Variants in CDH12 observed in about 807,000 individuals in gnomAD.
CDH12 encodes the protein cadherin-12.
CDH12 carries 41 observed loss-of-function variants against 74.1 expected under a neutral mutation model. The observed-to-expected ratio is 0.55, with a 90% CI of 0.43 to 0.72. CDH12 has a LOEUF of 0.72. CDH12 is among the 30% of genes least tolerant of loss of function. The pLI, the probability that CDH12 is intolerant of heterozygous loss-of-function variation, is 0.00. For missense variants in CDH12, 945 were observed against 977.2 expected (o/e 0.97, Z 0.44); for synonymous variants, 399 against 355.0 (o/e 1.12, Z -1.39).
At chr5:22,464,030 A>G (rs1745628530) in intron 2 of CDH12, among the ~76,000 whole-genome samples, 1 of 152,178 alleles carries the variant, frequency 6.6e-6, no homozygotes, top group Non-Finnish European at 1.5e-5. Flanking sequence ...GTGTCTTGGG[A>G]GGAACCCCAT....
chr5:21,872,329 A>G (rs1751667395), intron 6 of CDH12, among the ~76,000 whole-genome samples: 1 of 152,168 alleles, frequency 6.6e-6, no homozygotes, highest in African/African-American at 2.4e-5. Flanking sequence ...ATTCAAACCT[A>G]CTTTGATGGA....
intron 3 of CDH12, among the ~76,000 whole-genome samples, chr5:22,347,716 G>T (rs542695624): frequency 3.9e-4 from 59 of 152,240 alleles, no homozygotes; most frequent in African/African-American, 1.3e-3. Context: ...GGCATATGAT[G>T]ATTATTATTA....
chr5:22,438,319 A>G (rs909303941), intron 2 of CDH12, among the ~76,000 whole-genome samples: 2 of 152,004 alleles, frequency 1.3e-5, no homozygotes, highest in African/African-American at 4.8e-5. Flanking sequence ...TCCAATTCTG[A>G]CTTAATCATT....
intron 8 of CDH12, among the ~76,000 whole-genome samples, chr5:21,827,966 G>C (rs1748773256): frequency 6.6e-6 from 1 of 151,828 alleles, no homozygotes. Context: ...TCTTTATCTA[G>C]GTAATTTCTG....
At chr5:22,022,184 G>T (rs115921925) in intron 5 of CDH12, among the ~76,000 whole-genome samples, 114 of 152,212 alleles carry the variant, frequency 7.5e-4, no homozygotes, top group African/African-American at 2.7e-3. Flanking sequence ...ATATGGTATG[G>T]CTCTGTCTTT....
intron 1 of CDH12, among the ~76,000 whole-genome samples, chr5:22,506,121 C>G (rs1028059186): frequency 6.6e-6 from 1 of 152,060 alleles, no homozygotes; most frequent in African/African-American, 2.4e-5. Flanking sequence ...CTGTTTGCCA[C>G]CGTTTCGTAC....
rs867433835 is a variant in CDH12, at chr5:21,833,062, A to G, written c.814+9099T>C. ...ATATATAATATATATTATATGTTAT[A>G]TAACATATAATATATATTATATTAT... On this transcript the variant is annotated intron_variant, in intron 8 of 14. Coordinates refer to ENST00000382254, the MANE Select transcript of CDH12 (RefSeq NM_004061.5). Among the ~76,000 whole-genome samples, 328 of 55,194 alleles carry G rather than the reference A, an allele frequency of 5.9e-3. 3 individuals are homozygous for G. The highest frequency in any genetic ancestry group is 0.043 in the Middle Eastern group (2 of 46). The allele number at this position is 55,194 out of a possible 152,430, so 36.2% of individuals were successfully genotyped here.
At chr5:22,660,523 C>T (rs1011080163) in intron 1 of CDH12, among the ~76,000 whole-genome samples, 4 of 152,188 alleles carry the variant, frequency 2.6e-5, no homozygotes, top group African/African-American at 9.7e-5. Context: ...GGGATCCTCT[C>T]GTCTCAGCCC....
At chr5:21,759,104 A>G (rs1744567372) in intron 13 of CDH12, among the ~76,000 whole-genome samples, 1 of 152,156 alleles carries the variant, frequency 6.6e-6, no homozygotes, top group Admixed American at 6.6e-5. Context: ...GCTAGGATTC[A>G]GTGCTGCACC....
chr5:22,325,525 C>A (rs966304024), intron 3 of CDH12, among the ~76,000 whole-genome samples: 1 of 151,990 alleles, frequency 6.6e-6, no homozygotes, highest in Non-Finnish European at 1.5e-5. Flanking sequence ...TATCAGAGAT[C>A]CACAGTTTAG....
rs1051379310 is a variant in CDH12 at position 22,078,743 on chromosome 5, G to A, written c.-67C>T. The A allele has an allele frequency of 1.9e-6, 3 of 1,568,526 alleles. No homozygotes were observed. The African/African-American group carries it at 4.1e-5, about 21-fold the overall frequency. ...ACTTAACGTAGAATTGTGGAATCCAGGTTTGAGGTGTCTGTGGCCTCCACC... is the reference window on the plus strand; with the variant it reads ...ACTTAACGTAGAATTGTGGAATCCAAGTTTGAGGTGTCTGTGGCCTCCACC... On this transcript the variant is annotated 5_prime_UTR_variant, in exon 5 of 15. Transcript: ENST00000382254.
chr5:22,083,733 G>T (rs771916318), intron 4 of CDH12, among the ~76,000 whole-genome samples: 1 of 152,074 alleles, frequency 6.6e-6, no homozygotes, highest in Non-Finnish European at 1.5e-5. Context: ...GCTTGAATCT[G>T]GGCAGTCTGA....
chr5:22,650,404 G>A (rs900551208), intron 1 of CDH12, among the ~76,000 whole-genome samples: 3 of 152,010 alleles, frequency 2.0e-5, no homozygotes, highest in African/African-American at 7.2e-5. Context: ...AAACAATAAA[G>A]CAGTACTTGG....
At chr5:21,788,825 T>A (rs115008017) in intron 10 of CDH12, among the ~76,000 whole-genome samples, 1 of 152,074 alleles carries the variant, frequency 6.6e-6, no homozygotes, top group Non-Finnish European at 1.5e-5. Context: ...TCAGTTTTTA[T>A]TCTTTGATAA....
rs568166911 is a variant in CDH12, at chr5:22,027,546, G to A, written c.231+50900C>T. ...CTTCTTCCTGGTTTAGTCTTGGGAG[G>A]GTGTATGAGTCGAGGAATTTATCCA... On this transcript the variant is annotated intron_variant, in intron 5 of 14. Coordinates refer to ENST00000382254, the MANE Select transcript of CDH12 (RefSeq NM_004061.5). Among the ~76,000 whole-genome samples the A allele has an allele frequency of 1.8e-3, 268 of 152,190 alleles. 2 individuals are homozygous for A. The highest frequency in any genetic ancestry group is 6.3e-3 in the African/African-American group (263 of 41,526).
chr5:22,604,609 A>G (rs754404074), intron 1 of CDH12, among the ~76,000 whole-genome samples: 33 of 152,228 alleles, frequency 2.2e-4, no homozygotes, highest in Non-Finnish European at 4.9e-4. Flanking sequence ...TAAAGTATTC[A>G]GTGAAAATAT....
At chr5:22,672,806 T>C (rs1176400894) in intron 1 of CDH12, among the ~76,000 whole-genome samples, 2 of 152,186 alleles carry the variant, frequency 1.3e-5, no homozygotes, top group Admixed American at 1.3e-4. Context: ...ATTTTGCATA[T>C]TCCTCTATTC....
chr5:22,519,234 C>T (rs949540307), intron 1 of CDH12, among the ~76,000 whole-genome samples: 43 of 152,192 alleles, frequency 2.8e-4, no homozygotes, highest in Middle Eastern at 3.4e-3. Flanking sequence ...GGCTGTACTG[C>T]TCGATTAAAT....
intron 3 of CDH12, among the ~76,000 whole-genome samples, chr5:22,339,361 A>G (rs145484536): frequency 0.011 from 1,725 of 152,318 alleles, 35 homozygotes; most frequent in African/African-American, 0.039. Context: ...TTATTGGTCA[A>G]GGAGGTAATA....
Sources: allele counts gnomAD v4.1 joint callset (sites outside exome capture counted in the v4.1 genomes callset), GRCh38; gene constraint gnomAD v4.1.1; transcripts MANE v1.5; gene names NCBI Gene and HGNC (gene_info 2026-07-23, HGNC 2026-07-21).